The following NKX2-1 variants were observed in gnomAD, a reference collection of about 807,000 sequenced individuals.
NKX2-1 encodes the protein NK2 homeobox 1, also known as homeobox protein Nkx-2.1.
A neutral mutation model predicts 35.1 loss-of-function variants in NKX2-1; 9 were observed. The ratio of observed to expected loss-of-function variants is 0.26; its 90% confidence interval spans 0.15 to 0.45. NKX2-1 has a LOEUF of 0.45. Among genes scored for constraint, NKX2-1 ranks in the 20% least tolerant of loss-of-function variants. The pLI is 1.00. For synonymous variants in NKX2-1, 284 were observed against 269.9 expected (o/e 1.05, Z -0.51); for missense variants, 509 against 589.1 (o/e 0.86, Z 1.41).
chr14:36,518,053 G>A (rs2139408492), intron 2 of NKX2-1, 33 bp from the exon 3 acceptor site: 1 of 1,590,252 alleles, frequency 6.3e-7, no homozygotes, highest in Non-Finnish European at 8.5e-7. Context: ...GTCGGCCGGG[G>A]CCAGGCCGAG....
intron 2 of NKX2-1, 86 bp downstream of exon 2, chr14:36,518,899 G>A: frequency 7.2e-7 from 1 of 1,386,308 alleles, no homozygotes; most frequent in Non-Finnish European, 9.3e-7. Flanking sequence ...CCAGCGCGCA[G>A]CCTGCCGGCG....
Position 36,517,326 on chromosome 14 carries a change from G to A in NKX2-1, c.1158C>T (p.Asp386=). The change falls in exon 3 of 3, where the codon GAC becomes GAT. Residue 386 remains aspartate, a synonymous_variant. Transcript: ENST00000354822. ...AGGTGGAGCAGGACATGGTGCCGTA[G>A]TCCGAGCCCGAGGAGTTCAGGTGGG... ...SLSHLNSSGS[D]YGTMSCSTLL... is the part of the protein sequence containing the mutation. The A allele has an allele frequency of 6.2e-7, 1 of 1,612,076 alleles. No homozygotes were observed. The highest frequency in any genetic ancestry group is 8.5e-7 in the Non-Finnish European group (1 of 1,179,728).
In NKX2-1 at chr14:36,516,857, C is replaced by G. The variant is rs1881042624; in HGVS notation, c.*421G>C. The stretch of plus-strand genomic sequence containing the variant: ...ATCCTGGTATTTACAAGCGAGTCCT[C>G]TTTGCTGGCAGAGTGTGCCCAGAGT... On this transcript the variant is annotated 3_prime_UTR_variant, in exon 3 of 3. Coordinates refer to ENST00000354822, the MANE Select transcript of NKX2-1 (RefSeq NM_001079668.3). 4.2e-6 allele frequency: 1 copy of G among 237,870 alleles called. No individual in the cohort carries two copies. The highest frequency in any genetic ancestry group is 6.0e-5 in the East Asian group (1 of 16,566). 14.7% of individuals were successfully genotyped at this position (237,870 alleles called of 1,614,324 possible). A position where few individuals can be genotyped will look rare whatever the true frequency, so the allele number is the denominator to read the frequency against.
At position 36,519,058 on chromosome 14, in the gene NKX2-1, G is replaced by A; in HGVS notation, c.390C>T (p.Tyr130=). ...AGGCGCTGTTCCTCATGGTGTCCTG[G>A]TACGGCGGCAGCTCGCTCATGTTGC... ...NLGNMSELPP[Y]QDTMRNSASG... The change falls in exon 2 of 3, where the codon TAC becomes TAT. Residue 130 remains tyrosine, a synonymous_variant. Transcript: ENST00000354822. 1 of 1,598,990 alleles carries A rather than the reference G, an allele frequency of 6.3e-7. No individual in the cohort carries two copies. Among genetic ancestry groups the A allele is most frequent in the Non-Finnish European group, 8.5e-7 (1 of 1,178,758 alleles).
Position 36,517,175 on chromosome 14 carries a change from G to C in NKX2-1, c.*103C>G. The stretch of plus-strand genomic sequence containing the variant: ...GGTCTAAACGCGGCCAGGTTGTTAA[G>C]AAAAGTCGAAGCGCGTGGAGCAGCG... On this transcript the variant is annotated 3_prime_UTR_variant, in exon 3 of 3. Coordinates refer to ENST00000354822, the MANE Select transcript of NKX2-1 (RefSeq NM_001079668.3). 6.6e-7 allele frequency: 1 copy of C among 1,517,012 alleles called. No individual in the cohort carries two copies. Among genetic ancestry groups the C allele is most frequent in the African/African-American group, 1.4e-5 (1 of 71,848 alleles). 94.0% of individuals were successfully genotyped at this position (1,517,012 alleles called of 1,614,324 possible).
rs1375186317 is a variant in NKX2-1 at position 36,520,213 on chromosome 14, A to T, written c.-84T>A. 1 of 1,571,294 alleles carries T rather than the reference A, an allele frequency of 6.4e-7. No individual in the cohort carries two copies. The highest frequency in any genetic ancestry group is 8.6e-7 in the Non-Finnish European group (1 of 1,162,088). ...AACCCTGGGGCCGCACTGTTGGTCT[A>T]CGTGTCTGTCAGTCTGTCTGCCTCT... On this transcript the variant is annotated 5_prime_UTR_variant, in exon 1 of 3. Transcript: ENST00000354822.
In NKX2-1 at chr14:36,517,371, C is replaced by T; in HGVS notation, c.1113G>A (p.Gln371=). The T allele has an allele frequency of 1.2e-6, 2 of 1,607,526 alleles. No individual in the cohort carries two copies. The highest frequency in any genetic ancestry group is 1.7e-6 in the Non-Finnish European group (2 of 1,178,318). Residue 371 remains glutamine, a synonymous_variant, in exon 3 of 3, where the codon CAG becomes CAA. Transcript: ENST00000354822. ...GGTGGGACAGGCTGGATACCTGGCCCTGCAGCGCCGCGGGGCTGGCGGCGT... is the reference window on the plus strand; with the variant it reads ...GGTGGGACAGGCTGGATACCTGGCCTTGCAGCGCCGCGGGGCTGGCGGCGT... ...AHHAASPAAL[Q]GQVSSLSHLN... is the part of the protein sequence containing the mutation.
At chr14:36,518,311 T>G (rs1270369562) in intron 2 of NKX2-1, among the ~76,000 whole-genome samples, 1 of 152,162 alleles carries the variant, frequency 6.6e-6, no homozygotes, top group Non-Finnish European at 1.5e-5. Flanking sequence ...AGGCCGCTTC[T>G]GCTCCTTTCG....
At chr14:36,519,618 G>C in intron 1 of NKX2-1, 1 of 1,531,658 alleles carries the variant, frequency 6.5e-7, no homozygotes, top group African/African-American at 1.4e-5. Flanking sequence ...AAGCGCTAAA[G>C]CAACAAGACA....
At chr14:36,519,552 C>T in intron 1 of NKX2-1, 182 bp from the exon 2 acceptor site, 1 of 1,534,766 alleles carries the variant, frequency 6.5e-7, no homozygotes, top group Non-Finnish European at 8.7e-7. Context: ...CGGGGGCTGC[C>T]TCGCGTTTGT....
chr14:36,519,815 G>T, intron 1 of NKX2-1: 1 of 1,393,382 alleles, frequency 7.2e-7, no homozygotes, highest in South Asian at 1.5e-5. Flanking sequence ...TACCAGCGGA[G>T]CGCGGGGAGG....
In NKX2-1 at chr14:36,519,220, C is replaced by G. The variant is rs940030761; in HGVS notation, c.228G>C (p.Ala76=). The change falls in exon 2 of 3, where the codon GCG becomes GCC. Residue 76 remains alanine (A), a synonymous_variant. Transcript: ENST00000354822. The part of the protein sequence containing the change: ...APLAAYRQGQ[A]APPTAAMQQH... The stretch of plus-strand genomic sequence containing the variant: ...GCTGCATGGCCGCTGTTGGCGGTGC[C>G]GCCTGGCCCTGCCTGTACGCCGCCA... 8 of 1,605,506 alleles carry G rather than the reference C, an allele frequency of 5.0e-6. No homozygotes were observed. The highest frequency in any genetic ancestry group is 6.8e-6 in the Non-Finnish European group (8 of 1,176,410).
In NKX2-1 at chr14:36,517,283, A is replaced by T. The variant is rs2139405192; in HGVS notation, c.1201T>A (p.Trp401Arg). 6.2e-7 allele frequency: 1 copy of T among 1,606,762 alleles called. No homozygotes were observed. Among genetic ancestry groups the T allele is most frequent in the Admixed American group, 1.7e-5 (1 of 59,168 alleles). Residue 401 changes from tryptophan to arginine, a missense_variant, in exon 3 of 3, where the codon TGG becomes AGG. Around this residue, in one of 5 missense-constraint regions of NKX2-1, gnomAD observed 212 missense variants for 227.7 expected, o/e 0.93. Coordinates refer to ENST00000354822, the MANE Select transcript of NKX2-1 (RefSeq NM_001079668.3). ...SCSTLLYGRT[W>R] ...AGGGCCGGCCCGGCGTCCTCTCACC[A>T]GGTCCGACCGTATAGCAAGGTGGAG... is the stretch of plus-strand genomic sequence containing the variant.
intron 2 of NKX2-1, among the ~76,000 whole-genome samples, chr14:36,518,660 G>T (rs949199860): frequency 1.3e-5 from 2 of 152,156 alleles, no homozygotes; most frequent in South Asian, 4.1e-4. Flanking sequence ...CGCTCTGCTC[G>T]CCCCTGCTCC....
At position 36,517,042 on chromosome 14, in the gene NKX2-1, T is replaced by G; in HGVS notation, c.*236A>C. Reference sequence around the variant, plus strand: ...AAAGATTCCTTGAGATTGGATGCGCTTGGTTGTTTTTCATTTTCTTTTTTT... The same window carrying G: ...AAAGATTCCTTGAGATTGGATGCGCGTGGTTGTTTTTCATTTTCTTTTTTT... On this transcript the variant is annotated 3_prime_UTR_variant, in exon 3 of 3. Transcript: ENST00000354822. The G allele has an allele frequency of 1.3e-6, 1 of 776,976 alleles. No homozygotes were observed. Among genetic ancestry groups the G allele is most frequent in the Non-Finnish European group, 1.9e-6 (1 of 513,114 alleles). The allele number at this position is 776,976 out of a possible 1,614,324, so 48.1% of individuals were successfully genotyped here. A position where few individuals can be genotyped will look rare whatever the true frequency, so the allele number is the denominator to read the frequency against.
Position 36,517,791 on chromosome 14 carries a change from C to A in NKX2-1, c.693G>T (p.Thr231=), listed in dbSNP as rs764666300. The A allele has an allele frequency of 1.2e-6, 2 of 1,612,606 alleles. No homozygotes were observed. Among genetic ancestry groups the A allele is most frequent in the Middle Eastern group, 1.9e-4 (1 of 5,388 alleles). Residue 231 remains threonine, a synonymous_variant, in exon 3 of 3, where the codon ACG becomes ACT. Coordinates refer to ENST00000354822, the MANE Select transcript of NKX2-1 (RefSeq NM_001079668.3). Reference sequence around the variant, plus strand: ...GGAACCAGATCTTGACCTGCGTGGGCGTCAGGTGGATCATGCTGGCCAGGT... The same window carrying A: ...GGAACCAGATCTTGACCTGCGTGGGAGTCAGGTGGATCATGCTGGCCAGGT... ...REHLASMIHL[T]PTQVKIWFQN... is the part of the protein sequence containing the mutation.
At chr14:36,519,550 G>A in intron 1 of NKX2-1, 180 bp from the exon 2 acceptor site, 2 of 1,534,602 alleles carry the variant, frequency 1.3e-6, no homozygotes, top group East Asian at 4.9e-5. Context: ...CTCGGGGGCT[G>A]CCTCGCGTTT....
At position 36,517,430 on chromosome 14, in the gene NKX2-1, C is replaced by T. The variant is rs200560568; in HGVS notation, c.1054G>A (p.Gly352Ser). ...AGGTCCGGAGACTGGCCTGCGCTGC[C>T]TGGCTGGTGGCCCGGGTGTGCGCCA... ...GLGAHPGHQPGSAGQSPDLAH... is the reference protein window; with the variant it reads ...GLGAHPGHQPSSAGQSPDLAH... The change falls in exon 3 of 3, where the codon GGC (glycine) becomes AGC (serine). Residue 352 changes from glycine (G) to serine (S), a missense_variant. This residue lies in a region of NKX2-1 where 212 missense variants were observed against 227.7 expected (regional missense o/e 0.93). Transcript: ENST00000354822. 138 of 1,545,990 alleles carry T rather than the reference C, an allele frequency of 8.9e-5. No individual in the cohort carries two copies. In the East Asian group the frequency reaches 3.3e-3, roughly 37 times the overall value.
Position 36,517,083 on chromosome 14 carries a change from C to T in NKX2-1, c.*195G>A. The T allele has an allele frequency of 1.9e-6, 2 of 1,045,874 alleles. No individual in the cohort carries two copies. Among genetic ancestry groups the T allele is most frequent in the East Asian group, 3.0e-5 (1 of 33,274 alleles). The allele number at this position is 1,045,874 out of a possible 1,614,324, so 64.8% of individuals were successfully genotyped here. ...TTCTTTTTTTAAAAAAAAAAACCCACAAATTTTAGGGGGGGAAAAAAAGAA... is the reference window on the plus strand; with the variant it reads ...TTCTTTTTTTAAAAAAAAAAACCCATAAATTTTAGGGGGGGAAAAAAAGAA... On this transcript the variant is annotated 3_prime_UTR_variant, in exon 3 of 3. Transcript: ENST00000354822.
Sources: gnomAD v4.1 joint callset for allele counts (sites outside exome capture counted in the v4.1 genomes callset) on GRCh38, gnomAD v4.1.1 for gene constraint, gnomAD v4.1.1 regional missense constraint, MANE v1.5 for transcripts, NCBI Gene and HGNC (gene_info 2026-07-23, HGNC 2026-07-21) for gene names.